The following CCSER1 variants were observed in gnomAD, a reference collection of about 807,000 sequenced individuals.
CCSER1 encodes the protein coiled-coil serine rich protein 1.
Under a neutral mutation model 82.0 loss-of-function variants are expected in CCSER1, and 41 were observed. The ratio of observed to expected loss-of-function variants is 0.50; its 90% CI spans 0.39 to 0.65. The LOEUF (loss-of-function observed/expected upper bound fraction) is 0.65. CCSER1 is among the 30% of genes least tolerant of loss of function. The probability of loss-of-function intolerance (pLI) is 0.00; values close to 1 mark genes in which losing one functional copy is unlikely to be tolerated. For missense variants in CCSER1, 1,119 were observed against 1,064.2 expected (o/e 1.05, Z -0.72); for synonymous variants, 414 against 383.9 (o/e 1.08, Z -0.92).
intron 10 of CCSER1, among the ~76,000 whole-genome samples, chr4:91,091,001 A>G (rs1366298463): frequency 2.0e-5 from 3 of 152,126 alleles, no homozygotes; most frequent in African/African-American, 4.8e-5. Context: ...TTTGGAGCCA[A>G]ACAGGATCTT....
intron 10 of CCSER1, among the ~76,000 whole-genome samples, chr4:91,550,340 G>A (rs1395236664): frequency 6.6e-6 from 1 of 152,138 alleles, no homozygotes; most frequent in Non-Finnish European, 1.5e-5. Flanking sequence ...CCCCTTTGGA[G>A]CTTTTAACTC....
At chr4:91,433,202 G>A (rs940862637) in intron 10 of CCSER1, among the ~76,000 whole-genome samples, 9 of 152,034 alleles carry the variant, frequency 5.9e-5, no homozygotes, top group African/African-American at 1.9e-4. Flanking sequence ...AAGTATAGTC[G>A]TGTGCCATGT....
Position 91,039,365 on chromosome 4 carries a change from A to T in CCSER1, c.2173-46585A>T, listed in dbSNP as rs568811163. On this transcript the variant is annotated intron_variant, in intron 9 of 10. Coordinates refer to ENST00000509176, the MANE Select transcript of CCSER1 (RefSeq NM_001145065.2). ...GCTCATTTCCATATTCTTTAAGCCC[A>T]ACATGGGATCATGTTCTGTGAAAAA... Among the ~76,000 whole-genome samples, 5 of 152,254 alleles carry T rather than the reference A, an allele frequency of 3.3e-5. 1 individual carries two copies. Among genetic ancestry groups the T allele is most frequent in the South Asian group, 4.1e-4 (2 of 4,828 alleles).
At chr4:91,146,673 T>C (rs1454333146) in intron 10 of CCSER1, among the ~76,000 whole-genome samples, 3 of 152,138 alleles carry the variant, frequency 2.0e-5, no homozygotes, top group Non-Finnish European at 4.4e-5. Context: ...ATGTTGTTTA[T>C]AGTCAATTGG....
At chr4:91,312,775 C>T (rs889752689) in intron 10 of CCSER1, among the ~76,000 whole-genome samples, 23 of 151,768 alleles carry the variant, frequency 1.5e-4, no homozygotes, top group African/African-American at 5.6e-4. Context: ...TGTAAATTGC[C>T]TAGTCTTACC....
intron 10 of CCSER1, among the ~76,000 whole-genome samples, chr4:91,581,406 A>G (rs1763719826): frequency 6.6e-6 from 1 of 151,630 alleles, no homozygotes; most frequent in African/African-American, 2.4e-5. Context: ...TGGGGAAAAA[A>G]ATTGTAGTCA....
At position 90,297,139 on chromosome 4, in the gene CCSER1, T is replaced by C. The variant is rs191712813; in HGVS notation, c.-41-11105T>C. On this transcript the variant is annotated intron_variant, in intron 1 of 10. Transcript: ENST00000509176. ...CCTACCCATGAGCATGGAATGTTCT[T>C]CCATTTGTTTGTATCCTCTTTTATT... 3.4e-4 allele frequency among the ~76,000 whole-genome samples: 52 copies of C among 151,894 alleles called. 1 individual carries two copies. In the East Asian group the frequency reaches 9.3e-3, roughly 27 times the overall value.
At position 90,740,056 on chromosome 4, in the gene CCSER1, C is replaced by T. The variant is rs116486543; in HGVS notation, c.2010+16065C>T. 6.9e-3 allele frequency among the ~76,000 whole-genome samples: 1,046 copies of T among 152,196 alleles called. 3 individuals are homozygous for T. Among genetic ancestry groups the T allele is most frequent in the African/African-American group, 0.014 (601 of 41,512 alleles). On this transcript the variant is annotated intron_variant, in intron 7 of 10. Transcript: ENST00000509176. Reference sequence around the variant, plus strand: ...CTATTCAGCCATATTGCTCCGCCTTCGTCACTATATCCCTCAATGCTATTT... The same window carrying T: ...CTATTCAGCCATATTGCTCCGCCTTTGTCACTATATCCCTCAATGCTATTT...
intron 1 of CCSER1, among the ~76,000 whole-genome samples, chr4:90,181,963 T>C (rs1468836328): frequency 6.6e-6 from 1 of 152,066 alleles, no homozygotes; most frequent in Non-Finnish European, 1.5e-5. Flanking sequence ...GGTCATAGGA[T>C]TTGGGATACA....
chr4:90,889,392 G>T (rs1169829225), intron 8 of CCSER1, among the ~76,000 whole-genome samples: 2 of 152,018 alleles, frequency 1.3e-5, no homozygotes, highest in Non-Finnish European at 2.9e-5. Flanking sequence ...TTCTCCCCAC[G>T]CAAGTTAAGT....
At chr4:90,235,287 C>T (rs1335879001) in intron 1 of CCSER1, 1 of 152,340 alleles carries the variant, frequency 6.6e-6, no homozygotes, top group East Asian at 1.9e-4. Flanking sequence ...CCTGTAGATC[C>T]TTTGCCTTAG....
intron 10 of CCSER1, among the ~76,000 whole-genome samples, chr4:91,385,313 C>G (rs1253407927): frequency 6.6e-6 from 1 of 151,470 alleles, no homozygotes; most frequent in Non-Finnish European, 1.5e-5. Flanking sequence ...AAACAAAGTG[C>G]AAAAAAGAAC....
chr4:90,901,657 G>A (rs1013094830), intron 8 of CCSER1, among the ~76,000 whole-genome samples: 9 of 151,986 alleles, frequency 5.9e-5, no homozygotes, highest in Admixed American at 3.3e-4. Context: ...TCAGCTGTTA[G>A]TCTAATGGGA....
chr4:91,345,103 A>G (rs1026878072), intron 10 of CCSER1, among the ~76,000 whole-genome samples: 1 of 152,184 alleles, frequency 6.6e-6, no homozygotes, highest in Non-Finnish European at 1.5e-5. Context: ...GAAAATCTTT[A>G]TTAGTGGCCT....
intron 6 of CCSER1, among the ~76,000 whole-genome samples, chr4:90,707,162 T>C (rs1739505445): frequency 6.6e-6 from 1 of 152,174 alleles, no homozygotes; most frequent in African/African-American, 2.4e-5. Flanking sequence ...GTTCATTATT[T>C]CCAATGTTGC....
intron 1 of CCSER1, among the ~76,000 whole-genome samples, chr4:90,199,713 C>T (rs1737289452): frequency 6.6e-6 from 1 of 152,014 alleles, no homozygotes; most frequent in Non-Finnish European, 1.5e-5. Context: ...ATCATCAAGT[C>T]CTGGCACTTA....
chr4:90,460,752 T>G (rs968198699), intron 4 of CCSER1, among the ~76,000 whole-genome samples: 6 of 152,214 alleles, frequency 3.9e-5, no homozygotes, highest in African/African-American at 1.4e-4. Flanking sequence ...TTTGCTTTCT[T>G]CTTTTGATGG....
intron 10 of CCSER1, among the ~76,000 whole-genome samples, chr4:91,525,927 C>T (rs1405492160): frequency 1.3e-5 from 2 of 152,122 alleles, no homozygotes; most frequent in African/African-American, 4.8e-5. Flanking sequence ...GGGGGTCAGA[C>T]ATGTCTCATT....
intron 10 of CCSER1, among the ~76,000 whole-genome samples, chr4:91,411,507 T>TATATATATATATATATATAC (rs1553934202): frequency 3.6e-4 from 24 of 67,294 alleles, no homozygotes; most frequent in African/African-American, 1.1e-3. Flanking sequence ...TATATATATA[T>TATATATATATATATATATAC]ATATATATAT....
Sources: allele counts gnomAD v4.1 joint callset (sites outside exome capture counted in the v4.1 genomes callset), GRCh38; gene constraint gnomAD v4.1.1; transcripts MANE v1.5; gene names NCBI Gene and HGNC (gene_info 2026-07-23, HGNC 2026-07-21).